The following TXNDC9 variants were observed in gnomAD, a reference collection of about 807,000 sequenced individuals.
The protein encoded by TXNDC9 is thioredoxin domain-containing protein 9.
Under a neutral mutation model 23.0 loss-of-function variants are expected in TXNDC9, and 7 were observed. That is an observed-to-expected ratio of 0.30 (90% CI 0.17 to 0.57). The LOEUF is 0.57. TXNDC9 is among the 20% of genes least tolerant of loss of function. The pLI is 0.90. For missense variants in TXNDC9, 198 were observed against 252.6 expected, an observed-to-expected ratio of 0.78 and a Z score of 1.47; for synonymous variants, 72 against 90.6, an observed-to-expected ratio of 0.79 and a Z score of 1.17.
intron 3 of TXNDC9, among the ~76,000 whole-genome samples, chr2:99,323,005 CCTGCCTCGGCCTCCCGAAGTG>C (rs1262166788): frequency 6.6e-6 from 1 of 152,142 alleles, no homozygotes; most frequent in African/African-American, 2.4e-5. Flanking sequence ...TTGTGATCCG[CCTGCCTCGGCCTCCCGAAGTG>C]CTAGGATTAC....
chr2:99,327,718 T>C, intron 2 of TXNDC9, 65 bp from the exon 3 acceptor site: 1 of 984,758 alleles, frequency 1.0e-6, no homozygotes, highest in Non-Finnish European at 1.6e-6. Flanking sequence ...CTTGACATTT[T>C]AAGTGTCCAA....
At chr2:99,330,353 A>G (rs1441531112) in intron 2 of TXNDC9, among the ~76,000 whole-genome samples, 3 of 139,842 alleles carry the variant, frequency 2.1e-5, no homozygotes, top group African/African-American at 7.8e-5. Flanking sequence ...ATTCTCAGGT[A>G]TTTAACCAAG....
At chr2:99,329,867 T>C (rs2094220635) in intron 2 of TXNDC9, among the ~76,000 whole-genome samples, 2 of 151,998 alleles carry the variant, frequency 1.3e-5, no homozygotes, top group Non-Finnish European at 2.9e-5. Context: ...CCTCGGGGGC[T>C]GAGGCACAAT....
intron 3 of TXNDC9, among the ~76,000 whole-genome samples, chr2:99,326,614 TGG>T (rs1234689830): frequency 1.5e-4 from 23 of 152,240 alleles, no homozygotes; most frequent in African/African-American, 5.5e-4. Flanking sequence ...TTGGGTCCTT[TGG>T]TTTACGATGT....
At chr2:99,318,567 G>A (rs2094194796), downstream of TXNDC9, among the ~76,000 whole-genome samples, 1 of 152,128 alleles carries the variant, frequency 6.6e-6, no homozygotes, top group Non-Finnish European at 1.5e-5. Flanking sequence ...TGCTTTTCTA[G>A]GAGTTATACT....
the TXNDC9 span, among the ~76,000 whole-genome samples, chr2:99,309,233 C>G: frequency 1.3e-5 from 2 of 151,040 alleles, no homozygotes; most frequent in African/African-American, 2.4e-5. Context: ...ATTAGCTGGG[C>G]GTGGTGGCAC....
intron 2 of TXNDC9, among the ~76,000 whole-genome samples, chr2:99,330,907 G>C (rs1302702699): frequency 6.6e-6 from 1 of 152,152 alleles, no homozygotes; most frequent in Non-Finnish European, 1.5e-5. Context: ...AAAATGCAGT[G>C]AAAGTTCTAA....
chr2:99,333,293 A>G, intron 1 of TXNDC9, 51 bp from the exon 2 acceptor site: 1 of 1,458,082 alleles, frequency 6.9e-7, no homozygotes, highest in African/African-American at 1.4e-5. Context: ...ACAATAAGCA[A>G]GGTTTTCTCT....
rs2094197134 is a variant in TXNDC9 at position 99,319,735 on chromosome 2, C to T, written c.628G>A (p.Glu210Lys). Residue 210 changes from glutamate (E) to lysine (K), a missense_variant, in exon 5 of 5, where the codon GAA becomes AAA. By Grantham distance (56) the Glu-to-Lys change is moderately conservative (BLOSUM62 1). Coordinates refer to ENST00000264255, the MANE Select transcript of TXNDC9 (RefSeq NM_005783.4). ...TTCTTTCCTCGGATAGTTTTCTTTTCCAGCTTTGTGAAGTTTGTTCCAAAT... is the reference window on the plus strand; with the variant it reads ...TTCTTTCCTCGGATAGTTTTCTTTTTCAGCTTTGTGAAGTTTGTTCCAAAT... ...KKFGTNFTKL[E>K]KKTIRGKKYD... 6.2e-7 allele frequency: 1 copy of T among 1,604,528 alleles called. No homozygotes were observed. The highest frequency in any genetic ancestry group is 8.5e-7 in the Non-Finnish European group (1 of 1,177,248).
downstream of TXNDC9, among the ~76,000 whole-genome samples, chr2:99,317,685 C>T (rs576204809): frequency 1.5e-4 from 23 of 152,002 alleles, no homozygotes; most frequent in Non-Finnish European, 2.2e-4. Context: ...ACTATGTTGC[C>T]GAGGCTGGTC....
At position 99,327,662 on chromosome 2, in the gene TXNDC9, G is replaced by C. The variant is rs2094215641; in HGVS notation, c.190-9C>G. ...CCTTTAGAAAGCCATTCCTAATTTGGAGAGAGGCAAAACATTACACATGTG... is the reference window on the plus strand; with the variant it reads ...CCTTTAGAAAGCCATTCCTAATTTGCAGAGAGGCAAAACATTACACATGTG... On this transcript the variant is annotated splice_polypyrimidine_tract_variant and intron_variant, in intron 2 of 4. Coordinates refer to ENST00000264255, the MANE Select transcript of TXNDC9 (RefSeq NM_005783.4). The C allele has an allele frequency of 6.4e-7, 1 of 1,573,402 alleles. No individual in the cohort carries two copies.
rs898529492 is a variant in TXNDC9 at position 99,319,536 on chromosome 2, A to G, written c.*146T>C. The G allele has an allele frequency of 5.1e-6, 3 of 582,602 alleles. No individual in the cohort carries two copies. Among genetic ancestry groups the G allele is most frequent in the African/African-American group, 3.9e-5 (2 of 51,098 alleles). 36.1% of individuals were successfully genotyped at this position (582,602 alleles called of 1,614,324 possible). On this transcript the variant is annotated 3_prime_UTR_variant, in exon 5 of 5. Transcript: ENST00000264255. ...CATGATGGCCACACAGAAAACAGTAAAGACACTTTTCGATGTGATACAACT... is the reference window on the plus strand; with the variant it reads ...CATGATGGCCACACAGAAAACAGTAGAGACACTTTTCGATGTGATACAACT...
the TXNDC9 span, among the ~76,000 whole-genome samples, chr2:99,309,423 A>G: frequency 1.2e-4 from 18 of 152,134 alleles, no homozygotes; most frequent in Non-Finnish European, 2.1e-4. Context: ...CTAATGAGAC[A>G]TTCTTACAGG....
intron 1 of TXNDC9, among the ~76,000 whole-genome samples, chr2:99,335,043 A>G (rs1559237964): frequency 6.6e-6 from 1 of 152,204 alleles, no homozygotes; most frequent in Non-Finnish European, 1.5e-5. Context: ...AAAGAAATGG[A>G]GTATTTTGTA....
intron 1 of TXNDC9, among the ~76,000 whole-genome samples, chr2:99,335,859 C>T (rs1282421558): frequency 6.6e-6 from 1 of 152,180 alleles, no homozygotes; most frequent in Non-Finnish European, 1.5e-5. Flanking sequence ...TTTTTCAAAC[C>T]ACAGCCTCTG....
At chr2:99,327,915 G>C (rs1323705477) in intron 2 of TXNDC9, among the ~76,000 whole-genome samples, 6 of 151,316 alleles carry the variant, frequency 4.0e-5, no homozygotes, top group Non-Finnish European at 8.8e-5. Flanking sequence ...CTCCCGAGTA[G>C]CTGGGACTAC....
At chr2:99,325,958 C>T (rs2094212039) in intron 3 of TXNDC9, among the ~76,000 whole-genome samples, 1 of 151,760 alleles carries the variant, frequency 6.6e-6, no homozygotes. Context: ...TTGGAGTGAG[C>T]CAAGATCCTG....
intron 1 of TXNDC9, among the ~76,000 whole-genome samples, chr2:99,335,095 T>C (rs144324173): frequency 6.6e-6 from 1 of 152,382 alleles, no homozygotes; most frequent in African/African-American, 2.4e-5. Context: ...AGTTTATGTG[T>C]ATCTCAGGGT....
intron 2 of TXNDC9, among the ~76,000 whole-genome samples, chr2:99,330,296 A>AAAAAAAAAAAAAC (rs2094221856): frequency 9.8e-6 from 1 of 101,534 alleles, no homozygotes; most frequent in Non-Finnish European, 2.1e-5. Context: ...ATCTCAAAAA[A>AAAAAAAAAAAAAC]AAAAAAAAAA....
Sources: gnomAD v4.1 joint callset for allele counts (sites outside exome capture counted in the v4.1 genomes callset) on GRCh38, gnomAD v4.1.1 for gene constraint, MANE v1.5 for transcripts, NCBI Gene and HGNC (gene_info 2026-07-23, HGNC 2026-07-21) for gene names.